ATIC: variants seen among roughly 807,000 people sequenced by gnomAD.
ATIC encodes the protein 5-aminoimidazole-4-carboxamide ribonucleotide formyltransferase/IMP cyclohydrolase, also known as bifunctional purine biosynthesis protein ATIC.
Under a neutral mutation model 72.5 loss-of-function variants are expected in ATIC, and 64 were observed. The observed-to-expected ratio is 0.88, with a 90% CI of 0.72 to 1.09. The LOEUF (loss-of-function observed/expected upper bound fraction) is 1.09. ATIC is among the 50% of genes least tolerant of loss of function. The pLI, the probability that ATIC is intolerant of heterozygous loss-of-function variation, is 0.00. For synonymous variants in ATIC, 281 were observed against 267.1 expected (o/e 1.05, Z -0.51); for missense variants, 787 against 732.4 (o/e 1.07, Z -0.86).
At chr2:215,355,421 T>C in the ATIC span, among the ~76,000 whole-genome samples, 1 of 152,146 alleles carries the variant, frequency 6.6e-6, no homozygotes, top group South Asian at 2.1e-4. Context: ...TGTATTTCTA[T>C]TGGGGGATCC....
chr2:215,334,127 G>C (rs12477799), intron 9 of ATIC, among the ~76,000 whole-genome samples: 33,002 of 150,570 alleles, frequency 0.22, 3,851 homozygotes, highest in East Asian at 0.5. Context: ...GCTAATTTAG[G>C]CTATTGAATG....
At chr2:215,349,428 T>G in intron 15 of ATIC, 108 bp from the exon 16 acceptor site, 1 of 1,593,854 alleles carries the variant, frequency 6.3e-7, no homozygotes. Flanking sequence ...TTATTTTGCC[T>G]TTTTGACTGA....
chr2:215,313,317 C>T (rs1395991570), intron 2 of ATIC, among the ~76,000 whole-genome samples: 1 of 152,182 alleles, frequency 6.6e-6, no homozygotes, highest in East Asian at 1.9e-4. Context: ...AATTTACCTG[C>T]CTTCCCTTAG....
chr2:215,334,027 G>T (rs2052926336), intron 9 of ATIC, among the ~76,000 whole-genome samples: 1 of 150,354 alleles, frequency 6.7e-6, no homozygotes, highest in Non-Finnish European at 1.5e-5. Flanking sequence ...GGGTGACAGA[G>T]CGATACTCCG....
At chr2:215,341,879 A>G (rs575804241) in intron 12 of ATIC, among the ~76,000 whole-genome samples, 8 of 152,254 alleles carry the variant, frequency 5.3e-5, no homozygotes, top group African/African-American at 1.9e-4. Context: ...ATTTATAAAG[A>G]AAAGAGGTTT....
chr2:215,315,352 A>G (rs2052697009), intron 2 of ATIC, among the ~76,000 whole-genome samples: 1 of 152,096 alleles, frequency 6.6e-6, no homozygotes, highest in Non-Finnish European at 1.5e-5. Flanking sequence ...AGAGGGCAGG[A>G]GAAAGCTATA....
chr2:215,317,220 G>T (rs1323303376), intron 2 of ATIC, among the ~76,000 whole-genome samples: 6 of 152,088 alleles, frequency 3.9e-5, no homozygotes, highest in Non-Finnish European at 8.8e-5. Flanking sequence ...CACATTGTGT[G>T]ATTATTTTTT....
the ATIC span, among the ~76,000 whole-genome samples, chr2:215,359,010 G>A: frequency 6.6e-6 from 1 of 152,178 alleles, no homozygotes; most frequent in Non-Finnish European, 1.5e-5. Context: ...AGTCTCCCGA[G>A]TTATGGGGAC....
rs767664530 is a variant in ATIC, at chr2:215,326,050, C to G, written c.443C>G (p.Pro148Arg). 1 of 1,614,024 alleles carries G rather than the reference C, an allele frequency of 6.2e-7. No homozygotes were observed. The highest frequency in any genetic ancestry group is 2.2e-5 in the East Asian group (1 of 44,896). The part of the protein sequence containing the change: ...NHARVTVVCE[P>R]EDYVVVSTEM... The stretch of plus-strand genomic sequence containing the variant: ...GCTCGAGTGACAGTGGTGTGTGAAC[C>G]AGAGGACTATGTGGTGGTGTCCACG... Residue 148 changes from proline to arginine, a missense_variant, in exon 6 of 16, where the codon CCA becomes CGA. By Grantham distance (103) the Pro-to-Arg change is moderately radical. Coordinates refer to ENST00000236959, the MANE Select transcript of ATIC (RefSeq NM_004044.7).
chr2:215,316,026 A>G (rs773079337), intron 2 of ATIC, among the ~76,000 whole-genome samples: 3 of 151,980 alleles, frequency 2.0e-5, no homozygotes, highest in Non-Finnish European at 2.9e-5. Flanking sequence ...ATCTGCAATA[A>G]TTTTATCCCA....
chr2:215,338,931 G>T lies in ATIC; in HGVS notation c.1227+24G>T. The T allele has an allele frequency of 1.9e-6, 3 of 1,611,478 alleles. No homozygotes were observed. In the South Asian group the frequency reaches 3.3e-5, roughly 18 times the overall value. ...ATGTAAGTTGGGAAGTATCTGAACT[G>T]ACTGCTAGTAACTTCCATTGGTCTG... On this transcript the variant is annotated intron_variant, in intron 12 of 15. Coordinates refer to ENST00000236959, the MANE Select transcript of ATIC (RefSeq NM_004044.7).
At chr2:215,331,755 G>T (rs1198771154) in intron 7 of ATIC, among the ~76,000 whole-genome samples, 1 of 152,030 alleles carries the variant, frequency 6.6e-6, no homozygotes, top group African/African-American at 2.4e-5. Context: ...ATTCACAAGA[G>T]ATACTAGCTC....
rs143021494 is a variant in ATIC at position 215,330,148 on chromosome 2, G to A, written c.689-2234G>A. ...AGCCTAAACCATCTATGAGGAGTGG[G>A]AGGGAGATGGGGGAGTTGTACATAT... On this transcript the variant is annotated intron_variant, in intron 7 of 15. Transcript: ENST00000236959. Among the ~76,000 whole-genome samples the A allele has an allele frequency of 4.1e-3, 617 of 152,326 alleles. 3 individuals carry two copies. Among genetic ancestry groups the A allele is most frequent in the African/African-American group, 0.014 (598 of 41,572 alleles).
intron 14 of ATIC, chr2:215,347,228 C>T: frequency 2.3e-6 from 1 of 431,388 alleles, no homozygotes. Context: ...TGATTATAAG[C>T]TTTTGATGAC....
At chr2:215,315,732 T>G (rs566457572) in intron 2 of ATIC, among the ~76,000 whole-genome samples, 130 of 152,124 alleles carry the variant, frequency 8.5e-4, no homozygotes, top group African/African-American at 3.0e-3. Flanking sequence ...TGCTGGATCA[T>G]CTGAGGTCAG....
chr2:215,343,032 A>G (rs1347866413), intron 12 of ATIC, among the ~76,000 whole-genome samples: 1 of 152,162 alleles, frequency 6.6e-6, no homozygotes, highest in Non-Finnish European at 1.5e-5. Context: ...TGGTAGTTGC[A>G]TGTTTAGTTT....
At chr2:215,341,651 G>A (rs966494952) in intron 12 of ATIC, among the ~76,000 whole-genome samples, 4 of 152,150 alleles carry the variant, frequency 2.6e-5, no homozygotes, top group South Asian at 2.1e-4. Context: ...CAGGTGGATG[G>A]AATGTTTATT....
chr2:215,325,781 G>T (rs929064429), intron 5 of ATIC, among the ~76,000 whole-genome samples: 5 of 152,052 alleles, frequency 3.3e-5, no homozygotes, highest in Non-Finnish European at 7.4e-5. Flanking sequence ...GGCCAGAGTG[G>T]TCTCGAACTC....
intron 10 of ATIC, among the ~76,000 whole-genome samples, chr2:215,335,810 C>T (rs148474509): frequency 6.6e-6 from 1 of 152,284 alleles, no homozygotes; most frequent in African/African-American, 2.4e-5. Flanking sequence ...TTAGTTTAAA[C>T]TGAAACGAAC....
Sources: gnomAD v4.1 joint callset for allele counts (sites outside exome capture counted in the v4.1 genomes callset) on GRCh38, gnomAD v4.1.1 for gene constraint, MANE v1.5 for transcripts, NCBI Gene and HGNC (gene_info 2026-07-23, HGNC 2026-07-21) for gene names.